GIGYF2: variants seen among roughly 807,000 people sequenced by gnomAD.
GIGYF2 encodes the protein GRB10 interacting GYF protein 2.
GIGYF2 carries 25 observed loss-of-function variants against 208.1 expected under a neutral mutation model. The ratio of observed to expected loss-of-function variants is 0.12; its 90% CI spans 0.09 to 0.17. The LOEUF (loss-of-function observed/expected upper bound fraction) is 0.17, where lower values mean the gene tolerates loss of function less well. Among genes scored for constraint, GIGYF2 ranks in the 10% least tolerant of loss-of-function variants. The pLI, the probability that GIGYF2 is intolerant of heterozygous loss-of-function variation, is 1.00. For synonymous variants in GIGYF2, 534 were observed against 543.8 expected, an observed-to-expected ratio of 0.98 and a Z score of 0.25; for missense variants, 1,302 against 1,579.4, an observed-to-expected ratio of 0.82 and a Z score of 2.98.
intron 3 of GIGYF2, among the ~76,000 whole-genome samples, chr2:232,740,153 T>G (rs1697917019): frequency 6.6e-6 from 1 of 152,034 alleles, no homozygotes; most frequent in African/African-American, 2.4e-5. Context: ...TTTAAAACAC[T>G]TTTGAGGATC....
At chr2:232,822,762 A>G (rs758920325) in intron 21 of GIGYF2, among the ~76,000 whole-genome samples, 9 of 152,222 alleles carry the variant, frequency 5.9e-5, no homozygotes, top group Non-Finnish European at 1.2e-4. Context: ...GTTTTCATAT[A>G]TAGATCTTAT....
chr2:232,732,028 C>T (rs987176295), intron 2 of GIGYF2, among the ~76,000 whole-genome samples: 1 of 152,120 alleles, frequency 6.6e-6, no homozygotes, highest in African/African-American at 2.4e-5. Flanking sequence ...TAGAGTCTGA[C>T]TTTTCTAAAT....
Position 232,858,464 on chromosome 2 carries a change from C to T in GIGYF2, c.*1604C>T. On this transcript the variant is annotated 3_prime_UTR_variant, in exon 29 of 29. Coordinates refer to ENST00000373563, the MANE Select transcript of GIGYF2 (RefSeq NM_001103146.3). ...CAAATAGCATGAGGGGAGAGGAAAC[C>T]ATTAAAAGTTGGGGCTCCTACTCTC... The T allele has an allele frequency of 2.2e-6, 1 of 455,398 alleles. No homozygotes were observed. Among genetic ancestry groups the T allele is most frequent in the Non-Finnish European group, 4.4e-6 (1 of 226,628 alleles). 28.2% of individuals were successfully genotyped at this position (455,398 alleles called of 1,614,324 possible).
chr2:232,813,212 C>T (rs1292147163), intron 18 of GIGYF2, among the ~76,000 whole-genome samples: 1 of 128,142 alleles, frequency 7.8e-6, no homozygotes, highest in African/African-American at 3.0e-5. Flanking sequence ...TTTTTTGAGA[C>T]AGACTCTTGC....
chr2:232,808,188 C>T (rs1209593721), intron 15 of GIGYF2, among the ~76,000 whole-genome samples: 1 of 152,170 alleles, frequency 6.6e-6, no homozygotes, highest in Non-Finnish European at 1.5e-5. Flanking sequence ...TCACACCATC[C>T]TAGTTGTTTT....
chr2:232,844,384 A>G lies in GIGYF2; in HGVS notation c.3115A>G (p.Thr1039Ala). The G allele has an allele frequency of 1.2e-6, 2 of 1,613,550 alleles. No homozygotes were observed. Residue 1039 changes from threonine (T) to alanine (A), a missense_variant, in exon 25 of 29, where the codon ACC becomes GCC. Physicochemically the swap from Thr to Ala is moderately conservative, Grantham distance 58. Coordinates refer to ENST00000373563, the MANE Select transcript of GIGYF2 (RefSeq NM_001103146.3). ...ARNNTHSNLH[T>A]SIGNSVWGSI... ...TCTTTAACAGCATTCCAACCTGCAC[A>G]CCAGCATTGGGAATTCTGTTTGGGG...
chr2:232,836,314 A>G (rs1267104054), intron 22 of GIGYF2, among the ~76,000 whole-genome samples: 1 of 24,008 alleles, frequency 4.2e-5, no homozygotes, highest in East Asian at 7.9e-4. Flanking sequence ...ATATATATAT[A>G]TATATATATA....
rs142298126 is a variant in GIGYF2, at chr2:232,755,790, C to T, written c.268-433C>T. Among the ~76,000 whole-genome samples the T allele has an allele frequency of 1.8e-3, 277 of 152,296 alleles. 1 individual carries two copies. The highest frequency in any genetic ancestry group is 6.4e-3 in the African/African-American group (265 of 41,560). On this transcript the variant is annotated intron_variant, in intron 5 of 28. Coordinates refer to ENST00000373563, the MANE Select transcript of GIGYF2 (RefSeq NM_001103146.3). ...ATTGATGTGCAGAATGTCCTACTCT[C>T]GCATCAGACCTTTTGGTAACTCCCT...
intron 22 of GIGYF2, among the ~76,000 whole-genome samples, chr2:232,839,087 AT>A (rs1258887588): frequency 6.6e-6 from 1 of 152,098 alleles, no homozygotes; most frequent in Non-Finnish European, 1.5e-5. Context: ...TATTAAATAC[AT>A]TTTTTAAGTC....
intron 2 of GIGYF2, among the ~76,000 whole-genome samples, chr2:232,711,864 A>C (rs893863266): frequency 6.0e-5 from 9 of 150,718 alleles, no homozygotes; most frequent in Non-Finnish European, 1.5e-5. Context: ...CTGCATCACC[A>C]GGTAGTTTTT....
At chr2:232,709,981 A>G (rs542004162) in intron 2 of GIGYF2, among the ~76,000 whole-genome samples, 1 of 151,024 alleles carries the variant, frequency 6.6e-6, no homozygotes, top group African/African-American at 2.5e-5. Flanking sequence ...TTTATTTGAG[A>G]TGGAGTCTTG....
intron 18 of GIGYF2, among the ~76,000 whole-genome samples, chr2:232,813,243 G>A (rs1700793371): frequency 6.8e-6 from 1 of 146,024 alleles, no homozygotes; most frequent in Non-Finnish European, 1.5e-5. Context: ...GGGCTAGAGT[G>A]CAGTGGTGCG....
At chr2:232,813,312 C>T (rs140109980) in intron 18 of GIGYF2, among the ~76,000 whole-genome samples, 3,321 of 151,888 alleles carry the variant, frequency 0.022, 73 homozygotes, top group East Asian at 0.1. Flanking sequence ...GCCTCAGCCT[C>T]CTAAGTAGCT....
intron 22 of GIGYF2, among the ~76,000 whole-genome samples, chr2:232,834,851 GT>G (rs1701531895): frequency 6.6e-6 from 1 of 151,782 alleles, no homozygotes; most frequent in Admixed American, 6.6e-5. Context: ...TTAACTAAAA[GT>G]TTTTTATATA....
intron 8 of GIGYF2, among the ~76,000 whole-genome samples, chr2:232,783,489 G>A (rs1012218111): frequency 6.6e-6 from 1 of 152,088 alleles, no homozygotes; most frequent in Non-Finnish European, 1.5e-5. Flanking sequence ...GGGGTTGGAG[G>A]TGTTGTGGAG....
intron 22 of GIGYF2, among the ~76,000 whole-genome samples, chr2:232,839,093 T>A (rs1017514601): frequency 6.6e-6 from 1 of 152,232 alleles, no homozygotes; most frequent in Non-Finnish European, 1.5e-5. Flanking sequence ...ATACATTTTT[T>A]AAGTCTGGTT....
chr2:232,790,382 A>G (rs1022834069), intron 9 of GIGYF2, among the ~76,000 whole-genome samples: 1 of 152,172 alleles, frequency 6.6e-6, no homozygotes, highest in Non-Finnish European at 1.5e-5. Context: ...TCAGTATTTT[A>G]ATCAAGTACC....
chr2:232,738,439 A>AC (rs1697832388), intron 3 of GIGYF2, among the ~76,000 whole-genome samples: 1 of 151,620 alleles, frequency 6.6e-6, no homozygotes, highest in Non-Finnish European at 1.5e-5. Context: ...ATAACCCTCC[A>AC]CCCTTTACTC....
At chr2:232,831,594 A>C (rs945115404) in intron 21 of GIGYF2, among the ~76,000 whole-genome samples, 19 of 152,260 alleles carry the variant, frequency 1.2e-4, no homozygotes, top group Non-Finnish European at 2.1e-4. Flanking sequence ...GGTGGCTTTA[A>C]TAATAAATGA....
Sources: gnomAD v4.1 joint callset for allele counts (sites outside exome capture counted in the v4.1 genomes callset) on GRCh38, gnomAD v4.1.1 for gene constraint, MANE v1.5 for transcripts, NCBI Gene and HGNC (gene_info 2026-07-23, HGNC 2026-07-21) for gene names.